The following ITGB6 variants were observed in gnomAD, a reference collection of about 807,000 sequenced individuals.
The protein encoded by ITGB6 is integrin beta-6.
Under a neutral mutation model 84.5 loss-of-function variants are expected in ITGB6, and 80 were observed. The observed-to-expected ratio is 0.95, with a 90% CI of 0.79 to 1.14. ITGB6 has a LOEUF of 1.14. ITGB6 is among the 50% of genes most tolerant of loss of function. The pLI, the probability that ITGB6 is intolerant of heterozygous loss-of-function variation, is 0.00. For missense variants in ITGB6, 1,006 were observed against 968.0 expected, an observed-to-expected ratio of 1.04 and a Z score of -0.52; for synonymous variants, 383 against 354.9, an observed-to-expected ratio of 1.08 and a Z score of -0.89.
At chr2:160,179,225 T>C (rs1685561548) in intron 4 of ITGB6, among the ~76,000 whole-genome samples, 1 of 152,034 alleles carries the variant, frequency 6.6e-6, no homozygotes, top group Non-Finnish European at 1.5e-5. Flanking sequence ...TATCGTCTTT[T>C]CCTGAGTGAG....
intron 12 of ITGB6, among the ~76,000 whole-genome samples, chr2:160,117,233 A>T (rs1381807203): frequency 6.6e-6 from 1 of 152,138 alleles, no homozygotes; most frequent in Non-Finnish European, 1.5e-5. Context: ...ACCACACCAC[A>T]CCTATTCCAA....
chr2:160,146,349 C>G (rs1479955226), intron 7 of ITGB6, among the ~76,000 whole-genome samples: 1 of 152,136 alleles, frequency 6.6e-6, no homozygotes, highest in East Asian at 1.9e-4. Context: ...CCGGCTGCTT[C>G]TCTTTAGACT....
rs561446961 is a variant in ITGB6, at chr2:160,172,625, T to G, written c.865A>C (p.Asn289His). ...CTGTCCAAGTGACAGAGCCCGTCATTAGGAATGACGATGCCTGCTAGTTTG... is the reference window on the plus strand; with the variant it reads ...CTGTCCAAGTGACAGAGCCCGTCATGAGGAATGACGATGCCTGCTAGTTTG... ...DSKLAGIVIP[N>H]DGLCHLDSKN... Residue 289 changes from asparagine to histidine, a missense_variant, in exon 6 of 15, where the codon AAT becomes CAT. Coordinates refer to ENST00000283249, the MANE Select transcript of ITGB6 (RefSeq NM_000888.5). 3 of 1,612,134 alleles carry G rather than the reference T, an allele frequency of 1.9e-6. No individual in the cohort carries two copies. The East Asian group carries it at 6.7e-5, about 36-fold the overall frequency.
At chr2:160,196,004 T>C (rs1303846094) in intron 3 of ITGB6, among the ~76,000 whole-genome samples, 1 of 152,194 alleles carries the variant, frequency 6.6e-6, no homozygotes, top group South Asian at 2.1e-4. Context: ...TGGTTACTAT[T>C]AGAGAAGGCT....
chr2:160,118,719 C>A (rs1682892891), intron 12 of ITGB6, among the ~76,000 whole-genome samples: 1 of 150,614 alleles, frequency 6.6e-6, no homozygotes, highest in African/African-American at 2.4e-5. Context: ...AAGAGGAAGT[C>A]AAATTGTCCC....
intron 12 of ITGB6, among the ~76,000 whole-genome samples, chr2:160,116,118 T>A (rs1195339367): frequency 6.8e-6 from 1 of 147,388 alleles, no homozygotes; most frequent in African/African-American, 2.5e-5. Flanking sequence ...ACTTCCCCAA[T>A]CTAGCAAGGC....
chr2:160,158,309 C>T (rs1048944272), intron 7 of ITGB6, among the ~76,000 whole-genome samples: 11 of 152,104 alleles, frequency 7.2e-5, no homozygotes, highest in African/African-American at 2.4e-4. Context: ...ATCTTGTCAG[C>T]CAAGAAGCTG....
At chr2:160,165,762 T>C (rs1346287948) in intron 7 of ITGB6, among the ~76,000 whole-genome samples, 1 of 152,154 alleles carries the variant, frequency 6.6e-6, no homozygotes, top group East Asian at 1.9e-4. Context: ...TAGAAGGCTG[T>C]GGAGCTTCTC....
chr2:160,184,629 T>C (rs1248762554), intron 4 of ITGB6, among the ~76,000 whole-genome samples: 2 of 152,224 alleles, frequency 1.3e-5, no homozygotes, highest in Non-Finnish European at 2.9e-5. Flanking sequence ...ACTCATTTTA[T>C]GAGGCCAGCA....
chr2:160,195,614 AC>A lies in ITGB6; in HGVS notation c.347del (p.Gly116ValfsTer37). On this transcript the variant is annotated frameshift_variant and splice_region_variant, in exon 4 of 15. Coordinates refer to ENST00000283249, the MANE Select transcript of ITGB6 (RefSeq NM_000888.5). LOFTEE classifies it high-confidence loss of function. Reference protein sequence around the residue: ...PQSLILKLRPGGAQTLQVHVR... With the variant: ...PQSLILKLRPXGAQTLQVHVR... ...CATGCACCTGCAGAGTCTGCGCACCACCTGCAAAGCCCAACAGGAAAAGCAA... is the reference window on the plus strand; with the variant it reads ...CATGCACCTGCAGAGTCTGCGCACCACTGCAAAGCCCAACAGGAAAAGCAA... 1 of 1,613,766 alleles carries A rather than the reference AC, an allele frequency of 6.2e-7. No individual in the cohort carries two copies. The highest frequency in any genetic ancestry group is 8.5e-7 in the Non-Finnish European group (1 of 1,179,912).
At chr2:160,116,716 G>A (rs1168791441) in intron 12 of ITGB6, among the ~76,000 whole-genome samples, 4 of 152,138 alleles carry the variant, frequency 2.6e-5, no homozygotes, top group Admixed American at 1.3e-4. Context: ...GACACAGACT[G>A]GCAAATTGGA....
At chr2:160,177,052 C>A (rs1685445198) in intron 4 of ITGB6, among the ~76,000 whole-genome samples, 1 of 151,964 alleles carries the variant, frequency 6.6e-6, no homozygotes, top group African/African-American at 2.4e-5. Flanking sequence ...AAGTTTGTAT[C>A]CATTGCCATC....
At chr2:160,116,576 C>T (rs1356639414) in intron 12 of ITGB6, among the ~76,000 whole-genome samples, 2 of 152,176 alleles carry the variant, frequency 1.3e-5, no homozygotes, top group Non-Finnish European at 2.9e-5. Flanking sequence ...AATGTAAAGA[C>T]CATCAAGGCT....
At position 160,200,087 on chromosome 2, in the gene ITGB6, A is replaced by G. The variant is rs1382687808; in HGVS notation, c.-24T>C. 1 of 1,607,022 alleles carries G rather than the reference A, an allele frequency of 6.2e-7. No individual in the cohort carries two copies. Among genetic ancestry groups the G allele is most frequent in the Non-Finnish European group, 8.5e-7 (1 of 1,175,006 alleles). On this transcript the variant is annotated 5_prime_UTR_variant, in exon 1 of 15. Transcript: ENST00000283249. The stretch of plus-strand genomic sequence containing the variant: ...ATTCGTTTCAGTTCTTGCTGTGCAG[A>G]CCGATTAAAAAATGAATTACCTTCA...
At chr2:160,168,099 G>A (rs546799297) in intron 7 of ITGB6, among the ~76,000 whole-genome samples, 1 of 152,216 alleles carries the variant, frequency 6.6e-6, no homozygotes, top group South Asian at 2.1e-4. Flanking sequence ...GCTCTGCGTA[G>A]AACACAGGTT....
At chr2:160,141,861 AC>A (rs1460726415) in intron 8 of ITGB6, 120 bp downstream of exon 8, 5 of 619,586 alleles carry the variant, frequency 8.1e-6, no homozygotes, top group African/African-American at 2.0e-5. Flanking sequence ...TCATGCAGAG[AC>A]TTTTTTTGGA....
At chr2:160,168,421 A>G (rs532965150) in intron 7 of ITGB6, among the ~76,000 whole-genome samples, 188 of 152,220 alleles carry the variant, frequency 1.2e-3, no homozygotes, top group Non-Finnish European at 2.3e-3. Context: ...TTCTGCATAG[A>G]AGGCACAGAC....
At chr2:160,188,524 G>C (rs1685996902) in intron 4 of ITGB6, among the ~76,000 whole-genome samples, 1 of 151,842 alleles carries the variant, frequency 6.6e-6, no homozygotes. Context: ...CCCTGTTTTT[G>C]TTAATAGTAC....
At chr2:160,120,575 C>A (rs1362072233) in intron 12 of ITGB6, among the ~76,000 whole-genome samples, 2 of 55,430 alleles carry the variant, frequency 3.6e-5, no homozygotes, top group Non-Finnish European at 7.5e-5. Flanking sequence ...CTAGATGACA[C>A]GTTAGTGGGT....
Sources: gnomAD v4.1 joint callset for allele counts (sites outside exome capture counted in the v4.1 genomes callset) on GRCh38, gnomAD v4.1.1 for gene constraint, MANE v1.5 for transcripts, NCBI Gene and HGNC (gene_info 2026-07-23, HGNC 2026-07-21) for gene names.